The following TENM3 variants were observed in gnomAD, a reference collection of about 807,000 sequenced individuals.
TENM3 encodes teneurin-3.
TENM3 carries 63 observed loss-of-function variants against 255.1 expected under a neutral mutation model. The ratio of observed to expected loss-of-function variants is 0.25; its 90% CI spans 0.20 to 0.30. TENM3 has a LOEUF of 0.30. Ranked by LOEUF, TENM3 falls within the 10% of genes least tolerant of loss-of-function variation. The probability of loss-of-function intolerance (pLI) is 1.00; values close to 1 mark genes in which losing one functional copy is unlikely to be tolerated. For synonymous variants in TENM3, 1,306 were observed against 1,322.3 expected (o/e 0.99, Z 0.27); for missense variants, 2,929 against 3,461.1 (o/e 0.85, Z 3.86).
chr4:182,649,589 T>C (rs898066781), intron 5 of TENM3, among the ~76,000 whole-genome samples: 3 of 150,672 alleles, frequency 2.0e-5, no homozygotes, highest in Admixed American at 6.6e-5. Context: ...ATGCTTACTT[T>C]TGTACTTTTG....
rs1766287461 is a variant in TENM3, at chr4:182,793,778, T to C, written c.7106T>C (p.Ile2369Thr). 6.2e-7 allele frequency: 1 copy of C among 1,613,926 alleles called. No individual in the cohort carries two copies. Residue 2369 changes from isoleucine (I) to threonine (T), a missense_variant, in exon 26 of 28, where the codon ATA (isoleucine) becomes ACA (threonine). This residue lies in a region of TENM3 where 476 missense variants were observed against 480.1 expected (regional missense o/e 0.99). Transcript: ENST00000511685. This position sits in a 1 kb window ranked among gnomAD's most constrained non-coding sequence, Gnocchi z 5.7. The part of the protein sequence containing the change: ...ILAGRWTTPD[I>T]EIWKRIGKDP... ...GCAGGACGGTGGACAACACCTGACATAGAAATCTGGAAAAGAATTGGGAAG... is the reference window on the plus strand; with the variant it reads ...GCAGGACGGTGGACAACACCTGACACAGAAATCTGGAAAAGAATTGGGAAG...
chr4:181,933,114 A>G, the TENM3 span, among the ~76,000 whole-genome samples: 9,587 of 152,206 alleles, frequency 0.063, 417 homozygotes, highest in Non-Finnish European at 0.097. Flanking sequence ...GCATACCTAT[A>G]TAACAAACCT....
At chr4:182,308,624 G>A (rs57774739) in intron 1 of TENM3, among the ~76,000 whole-genome samples, 14,547 of 152,190 alleles carry the variant, frequency 0.096, 959 homozygotes, top group African/African-American at 0.17. Context: ...ACAGGTGTGA[G>A]CCGCTGTGCC....
At chr4:181,954,252 T>G in the TENM3 span, among the ~76,000 whole-genome samples, 1 of 152,208 alleles carries the variant, frequency 6.6e-6, no homozygotes, top group Non-Finnish European at 1.5e-5. Context: ...CAAGTTTTTA[T>G]AAGGACATAT....
At chr4:181,700,844 C>A in the TENM3 span, among the ~76,000 whole-genome samples, 10 of 152,132 alleles carry the variant, frequency 6.6e-5, no homozygotes, top group African/African-American at 2.4e-4. Flanking sequence ...CTGATGTGAA[C>A]TAGAAAAGGA....
chr4:182,551,876 G>A (rs1444211558), intron 3 of TENM3, among the ~76,000 whole-genome samples: 3 of 151,874 alleles, frequency 2.0e-5, no homozygotes, highest in Admixed American at 6.6e-5. Flanking sequence ...AACTAGCCAG[G>A]CGTGGTAGTG....
chr4:181,454,106 T>A, the TENM3 span, among the ~76,000 whole-genome samples: 1 of 152,150 alleles, frequency 6.6e-6, no homozygotes, highest in African/African-American at 2.4e-5. Flanking sequence ...ATAAGTAGGA[T>A]CTAATGGCAT....
At chr4:181,916,610 G>A in the TENM3 span, among the ~76,000 whole-genome samples, 1 of 152,122 alleles carries the variant, frequency 6.6e-6, no homozygotes, top group Non-Finnish European at 1.5e-5. Flanking sequence ...CAGGCATGGT[G>A]GCTCACACCT....
the TENM3 span, among the ~76,000 whole-genome samples, chr4:181,493,291 G>C: frequency 9.9e-6 from 1 of 101,314 alleles, no homozygotes; most frequent in Non-Finnish European, 1.9e-5. Flanking sequence ...GCAAGAACCA[G>C]TCTCTAAAAA....
chr4:182,791,931 C>T (rs1766133543), intron 25 of TENM3, among the ~76,000 whole-genome samples: 1 of 152,078 alleles, frequency 6.6e-6, no homozygotes, highest in Non-Finnish European at 1.5e-5. Flanking sequence ...CTTTTCTCCT[C>T]AAAATATTGT....
At chr4:181,483,225 A>G in the TENM3 span, among the ~76,000 whole-genome samples, 2 of 152,114 alleles carry the variant, frequency 1.3e-5, no homozygotes, top group Non-Finnish European at 2.9e-5. Context: ...CGTTTTTGCC[A>G]GTTAATATTG....
intron 4 of TENM3, among the ~76,000 whole-genome samples, chr4:182,618,900 T>G (rs189506483): frequency 6.6e-6 from 1 of 151,922 alleles, no homozygotes; most frequent in African/African-American, 2.4e-5. Flanking sequence ...AGAAATGCTA[T>G]AAAGGAAAGA....
the TENM3 span, among the ~76,000 whole-genome samples, chr4:181,797,528 TTAACTC>T: frequency 1.3e-5 from 2 of 152,164 alleles, no homozygotes; most frequent in Non-Finnish European, 2.9e-5. Flanking sequence ...GTGTATATAT[TTAACTC>T]TAACGCTGCC....
At chr4:182,360,483 C>T (rs1472985634) in intron 3 of TENM3, among the ~76,000 whole-genome samples, 1 of 146,796 alleles carries the variant, frequency 6.8e-6, no homozygotes, top group Non-Finnish European at 1.5e-5. Context: ...TAATGGCCTT[C>T]TTTGTCTCTT....
chr4:181,487,005 T>C, the TENM3 span, among the ~76,000 whole-genome samples: 2 of 152,158 alleles, frequency 1.3e-5, no homozygotes, highest in Non-Finnish European at 2.9e-5. Flanking sequence ...CAAAAATACA[T>C]AAATAAGATT....
At chr4:181,808,974 T>C in the TENM3 span, among the ~76,000 whole-genome samples, 1 of 152,204 alleles carries the variant, frequency 6.6e-6, no homozygotes, top group Non-Finnish European at 1.5e-5. Context: ...ATTTCTGTTT[T>C]GCAAGCGGGG....
rs1184639893 is a variant in TENM3, at chr4:182,737,147, C to A, written c.3235+72C>A. 20 of 1,471,258 alleles carry A rather than the reference C, an allele frequency of 1.4e-5. No homozygotes were observed. The Admixed American group carries it at 3.9e-4, about 29-fold the overall frequency. 91.1% of individuals were successfully genotyped at this position (1,471,258 alleles called of 1,614,324 possible). ...CAGAACTATCATAAATTAATTGTAA[C>A]CCAGGGAAGTCAGTGGATAAACAGA... On this transcript the variant is annotated intron_variant, in intron 17 of 27. Transcript: ENST00000511685.
At chr4:182,622,542 G>A (rs1750395972) in intron 4 of TENM3, among the ~76,000 whole-genome samples, 1 of 152,166 alleles carries the variant, frequency 6.6e-6, no homozygotes. Context: ...TCATAATCTT[G>A]AGAGTCCCAT....
At chr4:182,522,517 T>C (rs1436939609) in intron 3 of TENM3, among the ~76,000 whole-genome samples, 3 of 152,244 alleles carry the variant, frequency 2.0e-5, no homozygotes, top group African/African-American at 7.2e-5. Context: ...TGACAGGATT[T>C]CATTCTTATG....
Sources: allele counts gnomAD v4.1 joint callset (sites outside exome capture counted in the v4.1 genomes callset), GRCh38; gene constraint gnomAD v4.1.1; regional missense constraint gnomAD v4.1.1; non-coding constraint Gnocchi (gnomAD v3.1); transcripts MANE v1.5; gene names NCBI Gene and HGNC (gene_info 2026-07-23, HGNC 2026-07-21).